ADGRG6: variants seen among roughly 807,000 people sequenced by gnomAD.
ADGRG6 encodes adhesion G protein-coupled receptor G6, also known as G-protein coupled receptor 126.
Under a neutral mutation model 142.4 loss-of-function variants are expected in ADGRG6, and 84 were observed. The ratio of observed to expected loss-of-function variants is 0.59; its 90% CI spans 0.49 to 0.71. ADGRG6 has a LOEUF of 0.71. Ranked by LOEUF, ADGRG6 falls within the 30% of genes least tolerant of loss-of-function variation. The probability of loss-of-function intolerance (pLI) is 0.00; values close to 1 mark genes in which losing one functional copy is unlikely to be tolerated. For missense variants in ADGRG6, 1,367 were observed against 1,466.6 expected, an observed-to-expected ratio of 0.93 and a Z score of 1.11; for synonymous variants, 521 against 520.5, an observed-to-expected ratio of 1.00 and a Z score of -0.01.
chr6:142,361,150 G>A (rs1039746072), intron 2 of ADGRG6, among the ~76,000 whole-genome samples: 2 of 152,170 alleles, frequency 1.3e-5, no homozygotes, highest in African/African-American at 2.4e-5. Flanking sequence ...CAGGTCAGGC[G>A]TTTACTCCTT....
intron 4 of ADGRG6, chr6:142,371,004 G>A (rs915388713): frequency 1.9e-6 from 1 of 523,986 alleles, no homozygotes; most frequent in Non-Finnish European, 3.3e-6. Context: ...TATAAGCCAT[G>A]CATGCTCCAT....
At chr6:142,378,782 G>T (rs967625454) in intron 4 of ADGRG6, among the ~76,000 whole-genome samples, 3 of 152,122 alleles carry the variant, frequency 2.0e-5, no homozygotes, top group Admixed American at 1.3e-4. Flanking sequence ...AAATCCCAAT[G>T]CAAAGTTAAA....
At chr6:142,410,913 C>T (rs1776048188) in intron 17 of ADGRG6, among the ~76,000 whole-genome samples, 2 of 151,666 alleles carry the variant, frequency 1.3e-5, no homozygotes, top group South Asian at 4.2e-4. Flanking sequence ...AGCAAACCTT[C>T]TTTGTTCTTA....
intron 16 of ADGRG6, among the ~76,000 whole-genome samples, 162 bp downstream of exon 16, chr6:142,408,431 C>T (rs1398855715): frequency 6.6e-6 from 1 of 151,982 alleles, no homozygotes; most frequent in East Asian, 1.9e-4. Context: ...GCTTTAAAGT[C>T]ACAGTAAATT....
chr6:142,370,845 A>C (rs1215240531), intron 4 of ADGRG6, 52 bp downstream of exon 4: 1 of 1,552,354 alleles, frequency 6.4e-7, no homozygotes, highest in South Asian at 1.1e-5. Context: ...TTATTCTATG[A>C]ATATGATTGT....
At chr6:142,397,874 G>A in intron 10 of ADGRG6, 119 bp downstream of exon 10, 1 of 578,776 alleles carries the variant, frequency 1.7e-6, no homozygotes. Context: ...TTTTTCTGAT[G>A]GTGAAGTTCA....
chr6:142,434,265 CT>C (rs1777366643), intron 22 of ADGRG6, among the ~76,000 whole-genome samples: 2 of 151,410 alleles, frequency 1.3e-5, no homozygotes, highest in Admixed American at 1.3e-4. Flanking sequence ...TGCACTATTA[CT>C]TAGGTCATTG....
intron 21 of ADGRG6, among the ~76,000 whole-genome samples, chr6:142,419,355 G>A (rs774366297): frequency 6.6e-6 from 1 of 152,136 alleles, no homozygotes; most frequent in Non-Finnish European, 1.5e-5. Flanking sequence ...TGCCAGTTGA[G>A]TCTACCACTA....
chr6:142,304,662 A>T (rs1040647309), intron 1 of ADGRG6, among the ~76,000 whole-genome samples: 3 of 152,232 alleles, frequency 2.0e-5, no homozygotes, highest in Non-Finnish European at 2.9e-5. Context: ...AATGGCCTAT[A>T]TATCTTACAG....
intron 4 of ADGRG6, among the ~76,000 whole-genome samples, chr6:142,379,549 C>A (rs911921450): frequency 1.1e-4 from 17 of 152,092 alleles, no homozygotes; most frequent in African/African-American, 3.9e-4. Flanking sequence ...GGGCGGATCA[C>A]GAGGTCAGGA....
intron 18 of ADGRG6, among the ~76,000 whole-genome samples, chr6:142,411,905 T>C (rs1776108363): frequency 2.0e-5 from 3 of 152,144 alleles, no homozygotes; most frequent in African/African-American, 4.8e-5. Context: ...CTCCTAGAGA[T>C]TGCAGTTTGT....
chr6:142,350,837 C>T (rs913056736), intron 2 of ADGRG6, among the ~76,000 whole-genome samples: 4 of 151,972 alleles, frequency 2.6e-5, no homozygotes, highest in African/African-American at 4.8e-5. Context: ...AAAGCTGTTC[C>T]GATCAAACTA....
At chr6:142,395,877 A>AC (rs1383626218) in intron 9 of ADGRG6, among the ~76,000 whole-genome samples, 6 of 152,138 alleles carry the variant, frequency 3.9e-5, no homozygotes, top group African/African-American at 1.2e-4. Flanking sequence ...CTTAACACAG[A>AC]CCATAGCTTC....
At chr6:142,363,462 T>G (rs902085354) in intron 2 of ADGRG6, among the ~76,000 whole-genome samples, 5 of 152,170 alleles carry the variant, frequency 3.3e-5, no homozygotes, top group African/African-American at 1.2e-4. Context: ...AAAAATAAAC[T>G]TGTAAAAATA....
At chr6:142,359,974 G>T (rs1044701995) in intron 2 of ADGRG6, among the ~76,000 whole-genome samples, 2 of 152,152 alleles carry the variant, frequency 1.3e-5, no homozygotes, top group Non-Finnish European at 2.9e-5. Flanking sequence ...CAAGAATATT[G>T]ACAAGGAGAC....
At chr6:142,405,934 A>G (rs1415182771) in intron 15 of ADGRG6, 106 bp downstream of exon 15, 12 of 751,260 alleles carry the variant, frequency 1.6e-5, no homozygotes, top group Non-Finnish European at 2.4e-5. Context: ...AGGTTTAGAA[A>G]AATTTACTGT....
At chr6:142,373,107 C>T (rs1433980503) in intron 4 of ADGRG6, among the ~76,000 whole-genome samples, 2 of 152,098 alleles carry the variant, frequency 1.3e-5, no homozygotes, top group Non-Finnish European at 1.5e-5. Context: ...ACCTGAGGCA[C>T]GTGGAGATTA....
chr6:142,311,107 C>T lies in ADGRG6; in HGVS notation c.103+1463C>T, dbSNP rs1414362949. ...AATAAATGAAGCACATGTTTTTAGG[C>T]TAAAGAAAAGGAATCAACTTGTCTG... On this transcript the variant is annotated intron_variant, in intron 2 of 24. Transcript: ENST00000367609. Among the ~76,000 whole-genome samples, 3 of 151,820 alleles carry T rather than the reference C, an allele frequency of 2.0e-5. No homozygotes were observed. In the East Asian group the frequency reaches 5.8e-4, roughly 29 times the overall value.
At chr6:142,398,744 C>T (rs78138911) in intron 10 of ADGRG6, among the ~76,000 whole-genome samples, 1 of 152,112 alleles carries the variant, frequency 6.6e-6, no homozygotes, top group African/African-American at 2.4e-5. Flanking sequence ...GGAACCTTTT[C>T]TGAAATAAAG....
Sources: allele counts gnomAD v4.1 joint callset (sites outside exome capture counted in the v4.1 genomes callset), GRCh38; gene constraint gnomAD v4.1.1; transcripts MANE v1.5; gene names NCBI Gene and HGNC (gene_info 2026-07-23, HGNC 2026-07-21).